DNAH7: variants seen among roughly 807,000 people sequenced by gnomAD.
The protein encoded by DNAH7 is axonemal beta dynein heavy chain 7.
In DNAH7, 397 loss-of-function variants were observed where a neutral mutation model predicts 444.6. That is an observed-to-expected ratio of 0.89 (90% confidence interval 0.82 to 0.97). The LOEUF (loss-of-function observed/expected upper bound fraction) is 0.97. Ranked by LOEUF, DNAH7 falls within the 50% of genes least tolerant of loss-of-function variation. The probability of loss-of-function intolerance (pLI) is 0.00; values close to 1 mark genes in which losing one functional copy is unlikely to be tolerated. For missense variants in DNAH7, 4,902 were observed against 4,800.8 expected (o/e 1.02, Z -0.62); for synonymous variants, 1,636 against 1,624.4 (o/e 1.01, Z -0.17).
intron 56 of DNAH7, chr2:195,795,879 T>C (rs1325353303): frequency 6.6e-6 from 1 of 152,230 alleles, no homozygotes; most frequent in Non-Finnish European, 1.5e-5. Context: ...CAAAGCCAGA[T>C]GGGTGGATGG....
In DNAH7 at chr2:195,787,127, A is replaced by C; in HGVS notation, c.10761T>G (p.Ala3587=). 4 of 1,608,848 alleles carry C rather than the reference A, an allele frequency of 2.5e-6. No individual in the cohort carries two copies. The highest frequency in any genetic ancestry group is 3.4e-6 in the Non-Finnish European group (4 of 1,178,694). ...KLLYGLCFFH[A]LVQERRKFGP... is the part of the protein sequence containing the mutation. ...CAAATTTCCGTCTTTCTTGTACCAA[A>C]GCATGAAAGAAACACAGGCCATAAA... Residue 3587 remains alanine, a synonymous_variant, in exon 58 of 65, where the codon GCT becomes GCG. Coordinates refer to ENST00000312428, the MANE Select transcript of DNAH7 (RefSeq NM_018897.3).
intron 46 of DNAH7, among the ~76,000 whole-genome samples, chr2:195,850,540 T>C (rs908529007): frequency 6.6e-6 from 1 of 152,200 alleles, no homozygotes; most frequent in Non-Finnish European, 1.5e-5. Flanking sequence ...CCTGGAAGAA[T>C]TGGATTTTCC....
At chr2:196,066,738 A>G (rs1290526953) in intron 1 of DNAH7, among the ~76,000 whole-genome samples, 1 of 152,226 alleles carries the variant, frequency 6.6e-6, no homozygotes, top group Non-Finnish European at 1.5e-5. Context: ...AATGAGATGA[A>G]TATGTTAAAA....
At position 196,040,653 on chromosome 2, in the gene DNAH7, G is replaced by A. The variant is rs544778112; in HGVS notation, c.398+6699C>T. ...GATAAATTAAAATAGTTTTCTGTAA[G>A]ATCTGGAACAAGAGAAGGTTGCCAC... On this transcript the variant is annotated intron_variant, in intron 5 of 64. Coordinates refer to ENST00000312428, the MANE Select transcript of DNAH7 (RefSeq NM_018897.3). 1.1e-4 allele frequency among the ~76,000 whole-genome samples: 16 copies of A among 152,196 alleles called. No homozygotes were observed. The South Asian group carries it at 3.3e-3, about 32-fold the overall frequency.
chr2:195,862,807 G>A lies in DNAH7; in HGVS notation c.7507-861C>T, dbSNP rs190410156. On this transcript the variant is annotated intron_variant, in intron 41 of 64. Transcript: ENST00000312428. ...TCCCAGCACTTTGGGAGGCCGAGGC[G>A]GGCAGATCACCTGAGGTCAGGAGTT... Among the ~76,000 whole-genome samples the A allele has an allele frequency of 1.5e-4, 23 of 152,152 alleles. No individual in the cohort carries two copies. The East Asian group carries it at 1.9e-3, about 13-fold the overall frequency.
At chr2:195,968,845 T>C (rs928816173) in intron 17 of DNAH7, among the ~76,000 whole-genome samples, 2 of 152,222 alleles carry the variant, frequency 1.3e-5, no homozygotes, top group African/African-American at 4.8e-5. Context: ...CTGGTCCAAA[T>C]GCTCTCTGTG....
intron 51 of DNAH7, among the ~76,000 whole-genome samples, chr2:195,814,794 G>A (rs557237746): frequency 6.6e-6 from 1 of 151,772 alleles, no homozygotes; most frequent in African/African-American, 2.4e-5. Context: ...AGGCTGAAGT[G>A]TGGTGGCACA....
intron 58 of DNAH7, among the ~76,000 whole-genome samples, chr2:195,782,696 A>ACAGG (rs1284690088): frequency 6.6e-6 from 1 of 152,222 alleles, no homozygotes; most frequent in Non-Finnish European, 1.5e-5. Flanking sequence ...TGCAAATCCA[A>ACAGG]CAGGCACTTA....
chr2:195,924,245 G>C (rs1348296121), intron 22 of DNAH7, among the ~76,000 whole-genome samples: 1 of 152,138 alleles, frequency 6.6e-6, no homozygotes, highest in African/African-American at 2.4e-5. Flanking sequence ...ACTACAAGCT[G>C]TCTTCTGCTC....
chr2:195,915,083 T>TG (rs1687590740), intron 24 of DNAH7, among the ~76,000 whole-genome samples: 1 of 152,240 alleles, frequency 6.6e-6, no homozygotes, highest in South Asian at 2.1e-4. Context: ...GAGTTGGTGC[T>TG]GGGGAGAGAG....
intron 38 of DNAH7, among the ~76,000 whole-genome samples, chr2:195,874,960 A>G (rs974605554): frequency 4.6e-5 from 7 of 152,208 alleles, no homozygotes; most frequent in African/African-American, 1.4e-4. Flanking sequence ...CTGAAGTGGT[A>G]TATCAACACA....
intron 19 of DNAH7, among the ~76,000 whole-genome samples, chr2:195,949,996 T>C (rs751159057): frequency 1.3e-5 from 2 of 152,170 alleles, no homozygotes; most frequent in Admixed American, 6.5e-5. Context: ...CTGCTAGATT[T>C]GGTTTGCCAG....
Position 195,787,006 on chromosome 2 carries a change from A to T in DNAH7, c.10878+4T>A, listed in dbSNP as rs2105973493. The T allele has an allele frequency of 2.6e-6, 4 of 1,561,300 alleles. No homozygotes were observed. The East Asian group carries it at 9.1e-5, about 35-fold the overall frequency. ...TAATGTCCTTGCTGTGATTTTTATGATACCTCATACTGGTTCAGGAACATG... is the reference window on the plus strand; with the variant it reads ...TAATGTCCTTGCTGTGATTTTTATGTTACCTCATACTGGTTCAGGAACATG... On this transcript the variant is annotated splice_donor_region_variant and intron_variant, in intron 58 of 64. Coordinates refer to ENST00000312428, the MANE Select transcript of DNAH7 (RefSeq NM_018897.3).
At position 195,934,803 on chromosome 2, in the gene DNAH7, C is replaced by G. The variant is rs1199495105; in HGVS notation, c.3273-14G>C. 6.2e-7 allele frequency: 1 copy of G among 1,613,502 alleles called. No individual in the cohort carries two copies. The highest frequency in any genetic ancestry group is 2.2e-5 in the East Asian group (1 of 44,832). On this transcript the variant is annotated splice_polypyrimidine_tract_variant and intron_variant, in intron 20 of 64. Transcript: ENST00000312428. Reference sequence around the variant, plus strand: ...TGAGGTTGCACCCTGTCAGGAAAAACATTTTTAAGATAATTAACCAAGTTA... The same window carrying G: ...TGAGGTTGCACCCTGTCAGGAAAAAGATTTTTAAGATAATTAACCAAGTTA...
chr2:195,848,512 T>C (rs1699153659), intron 46 of DNAH7, among the ~76,000 whole-genome samples: 1 of 152,244 alleles, frequency 6.6e-6, no homozygotes, highest in South Asian at 2.1e-4. Context: ...GTCATAATTA[T>C]ATGAGCTTAT....
rs1375750432 is a variant in DNAH7 at position 195,857,726 on chromosome 2, T to G, written c.8068-3A>C. 6.4e-7 allele frequency: 1 copy of G among 1,569,128 alleles called. No homozygotes were observed. ...ATGGATTTTACCACTGTAATATCCT[T>G]GAAATAACAACGTTAATTATTTTAA... On this transcript the variant is annotated splice_polypyrimidine_tract_variant and splice_region_variant and intron_variant, in intron 43 of 64. Transcript: ENST00000312428.
chr2:196,067,894 A>G (rs902698604), intron 1 of DNAH7, among the ~76,000 whole-genome samples: 1 of 152,180 alleles, frequency 6.6e-6, no homozygotes, highest in Non-Finnish European at 1.5e-5. Flanking sequence ...AGCTAGAGTT[A>G]TTTTCTAGCT....
At chr2:195,747,679 A>G (rs988979718) in intron 63 of DNAH7, among the ~76,000 whole-genome samples, 1 of 152,234 alleles carries the variant, frequency 6.6e-6, no homozygotes, top group Admixed American at 6.5e-5. Flanking sequence ...GGCTGGTTCC[A>G]TATATGCAAA....
At chr2:195,986,729 A>G (rs545169622) in intron 14 of DNAH7, among the ~76,000 whole-genome samples, 1 of 152,316 alleles carries the variant, frequency 6.6e-6, no homozygotes, top group South Asian at 2.1e-4. Context: ...AACAACTACT[A>G]TGTAAATCCA....
Sources: gnomAD v4.1 joint callset for allele counts (sites outside exome capture counted in the v4.1 genomes callset) on GRCh38, gnomAD v4.1.1 for gene constraint, MANE v1.5 for transcripts, NCBI Gene and HGNC (gene_info 2026-07-23, HGNC 2026-07-21) for gene names.